ME3: variants seen among roughly 807,000 people sequenced by gnomAD.
ME3 encodes the protein NADP-dependent malic enzyme, mitochondrial.
A neutral mutation model predicts 68.9 loss-of-function variants in ME3; 48 were observed. That is an observed-to-expected ratio of 0.70 (90% CI 0.55 to 0.89). The LOEUF is 0.89. ME3 is among the 40% of genes least tolerant of loss of function. ME3 has a pLI of 0.00. For missense variants in ME3, 675 were observed against 797.4 expected, an observed-to-expected ratio of 0.85 and a Z score of 1.85; for synonymous variants, 320 against 318.8, an observed-to-expected ratio of 1.00 and a Z score of -0.04.
chr11:86,537,469 G>A lies in ME3; in HGVS notation c.467+19084C>T, dbSNP rs1041500499. On this transcript the variant is annotated intron_variant, in intron 4 of 14. Coordinates refer to ENST00000543262, the Ensembl canonical transcript of ME3. ...GGCAGGAGGCCTGAGTTCTAGTCCT[G>A]TCATTTCCACTGATTTGTGCCCATG... 3.3e-5 allele frequency among the ~76,000 whole-genome samples: 5 copies of A among 152,256 alleles called. No individual in the cohort carries two copies. The East Asian group carries it at 9.7e-4, about 29-fold the overall frequency.
At chr11:86,591,949 G>A (rs897051277) in intron 2 of ME3, among the ~76,000 whole-genome samples, 10 of 152,136 alleles carry the variant, frequency 6.6e-5, no homozygotes, top group African/African-American at 2.4e-4. Flanking sequence ...GTCCAGAACT[G>A]TGAGAAAATA....
intron 2 of ME3, among the ~76,000 whole-genome samples, chr11:86,569,291 G>A (rs564810456): frequency 1.6e-4 from 24 of 152,240 alleles, no homozygotes; most frequent in African/African-American, 4.8e-4. Flanking sequence ...GCACCACGCC[G>A]GCCTTTGCAG....
At chr11:86,552,059 G>T (rs1408673568) in intron 4 of ME3, among the ~76,000 whole-genome samples, 1 of 152,184 alleles carries the variant, frequency 6.6e-6, no homozygotes, top group Non-Finnish European at 1.5e-5. Context: ...TTCTTGGGTG[G>T]GGTGACTGAG....
At chr11:86,650,156 T>A in intron 2 of ME3, among the ~76,000 whole-genome samples, 1 of 152,198 alleles carries the variant, frequency 6.6e-6, no homozygotes, top group South Asian at 2.1e-4. Flanking sequence ...TAATACCACA[T>A]ATCTACAACC....
At chr11:86,548,895 G>C (rs372097561) in intron 4 of ME3, among the ~76,000 whole-genome samples, 1 of 152,148 alleles carries the variant, frequency 6.6e-6, no homozygotes, top group Non-Finnish European at 1.5e-5. Flanking sequence ...GCCTCCTTCC[G>C]ATGGTCTCTG....
chr11:86,453,834 G>A (rs1246447567), intron 8 of ME3, among the ~76,000 whole-genome samples: 1 of 152,184 alleles, frequency 6.6e-6, no homozygotes, highest in African/African-American at 2.4e-5. Context: ...GAGAGAACTA[G>A]TCTCATAGCT....
At chr11:86,652,449 TAAAGA>T (rs568852036) in intron 2 of ME3, among the ~76,000 whole-genome samples, 104 of 152,192 alleles carry the variant, frequency 6.8e-4, no homozygotes, top group African/African-American at 2.4e-3. Flanking sequence ...TCAACATTCT[TAAAGA>T]AAAGAATTTT....
chr11:86,580,277 C>T (rs1156446345), intron 2 of ME3, among the ~76,000 whole-genome samples: 1 of 152,180 alleles, frequency 6.6e-6, no homozygotes, highest in African/African-American at 2.4e-5. Context: ...AGTGACCTCT[C>T]CTCCAAATGC....
chr11:86,561,033 A>C (rs1024117575), intron 2 of ME3, among the ~76,000 whole-genome samples: 3 of 151,992 alleles, frequency 2.0e-5, no homozygotes, highest in Non-Finnish European at 4.4e-5. Flanking sequence ...CCAGGGGTAC[A>C]TATAATAAAT....
chr11:86,618,501 T>C (rs909216037), intron 2 of ME3, among the ~76,000 whole-genome samples: 2 of 152,024 alleles, frequency 1.3e-5, no homozygotes, highest in African/African-American at 4.8e-5. Flanking sequence ...AATGAAGAAA[T>C]ATTAGCTAAG....
intron 7 of ME3, among the ~76,000 whole-genome samples, chr11:86,481,567 A>G (rs1187674705): frequency 6.6e-6 from 1 of 152,018 alleles, no homozygotes; most frequent in African/African-American, 2.4e-5. Context: ...TTTGCTCCAG[A>G]GTGTATTGGG....
intron 4 of ME3, among the ~76,000 whole-genome samples, chr11:86,521,400 C>CAA (rs1164823603): frequency 0.018 from 1,533 of 85,060 alleles, 45 homozygotes; most frequent in African/African-American, 0.072. Context: ...ATCTCAAAAA[C>CAA]AAACAAACAA....
At chr11:86,486,499 A>C (rs576914943) in intron 7 of ME3, among the ~76,000 whole-genome samples, 26 of 152,122 alleles carry the variant, frequency 1.7e-4, no homozygotes, top group Non-Finnish European at 3.2e-4. Flanking sequence ...GCTCCAGCCC[A>C]CTGTTCTGGT....
chr11:86,531,259 C>T (rs1955206082), intron 4 of ME3, among the ~76,000 whole-genome samples: 1 of 152,214 alleles, frequency 6.6e-6, no homozygotes, highest in Non-Finnish European at 1.5e-5. Context: ...TGCTCATCAT[C>T]ACTGGCCATC....
At chr11:86,559,262 C>T (rs1957082465) in intron 3 of ME3, among the ~76,000 whole-genome samples, 1 of 152,084 alleles carries the variant, frequency 6.6e-6, no homozygotes, top group African/African-American at 2.4e-5. Context: ...CCCACCACGT[C>T]CCCCTAATTC....
chr11:86,533,136 A>C (rs1955384931), intron 4 of ME3, among the ~76,000 whole-genome samples: 1 of 152,140 alleles, frequency 6.6e-6, no homozygotes, highest in Admixed American at 6.6e-5. Flanking sequence ...CAAAGTTAGC[A>C]TAAGAAAGGA....
At chr11:86,661,830 GAGTATTGTAT>G (rs1946297928) in intron 2 of ME3, among the ~76,000 whole-genome samples, 1 of 141,420 alleles carries the variant, frequency 7.1e-6, no homozygotes, top group Non-Finnish European at 1.5e-5. Flanking sequence ...CTTCAAGGCA[GAGTATTGTAT>G]TGTATTGTAT....
At chr11:86,442,609 A>C (rs1384759601) in intron 14 of ME3, among the ~76,000 whole-genome samples, 3 of 152,082 alleles carry the variant, frequency 2.0e-5, no homozygotes, top group African/African-American at 7.2e-5. Flanking sequence ...GGGGAAATCC[A>C]GGAGCTTTCC....
At chr11:86,599,884 A>G (rs994816757) in intron 2 of ME3, among the ~76,000 whole-genome samples, 10 of 152,190 alleles carry the variant, frequency 6.6e-5, no homozygotes, top group Admixed American at 5.9e-4. Flanking sequence ...AATCCTTTAC[A>G]GACAAGCAAA....
Sources: allele counts gnomAD v4.1 joint callset (sites outside exome capture counted in the v4.1 genomes callset), GRCh38; gene constraint gnomAD v4.1.1; transcripts MANE v1.5; gene names NCBI Gene and HGNC (gene_info 2026-07-23, HGNC 2026-07-21).